The following USP34 variants were observed in gnomAD, a reference collection of about 807,000 sequenced individuals.
The protein encoded by USP34 is ubiquitin carboxyl-terminal hydrolase 34.
Under a neutral mutation model 460.3 loss-of-function variants are expected in USP34, and 70 were observed. The ratio of observed to expected loss-of-function variants is 0.15; its 90% CI spans 0.13 to 0.19. The LOEUF is 0.19. Ranked by LOEUF, USP34 falls within the 10% of genes least tolerant of loss-of-function variation. The pLI is 1.00. For missense variants in USP34, 3,985 were observed against 4,236.2 expected, an observed-to-expected ratio of 0.94 and a Z score of 1.65; for synonymous variants, 1,647 against 1,405.3, an observed-to-expected ratio of 1.17 and a Z score of -3.85.
chr2:61,383,523 T>C (rs1693040208), intron 5 of USP34, among the ~76,000 whole-genome samples, 187 bp from the exon 6 acceptor site: 1 of 151,916 alleles, frequency 6.6e-6, no homozygotes. Flanking sequence ...GCCAACACAG[T>C]AAAACCCCGT....
At chr2:61,329,087 G>T (rs771824586) in intron 20 of USP34, among the ~76,000 whole-genome samples, 1 of 152,096 alleles carries the variant, frequency 6.6e-6, no homozygotes, top group Non-Finnish European at 1.5e-5. Context: ...AGTGGTGCGA[G>T]CTCGGCTCAC....
In USP34 at chr2:61,257,354, CA is replaced by C. The variant is rs767588957; in HGVS notation, c.5845-5del. On this transcript the variant is annotated splice_polypyrimidine_tract_variant and splice_region_variant and intron_variant, in intron 44 of 79. Transcript: ENST00000398571. ...TATATGCTTTGCATTCACTCTCCTG[CA>C]AATAAAAAGGGGAACATTCTAAGTG... The C allele has an allele frequency of 3.2e-6, 5 of 1,559,590 alleles. No individual in the cohort carries two copies. The highest frequency in any genetic ancestry group is 2.7e-5 in the African/African-American group (2 of 72,792).
At chr2:61,273,095 A>G (rs139814231) in intron 41 of USP34, among the ~76,000 whole-genome samples, 3 of 152,342 alleles carry the variant, frequency 2.0e-5, no homozygotes, top group African/African-American at 7.2e-5. Flanking sequence ...AACATAAGCA[A>G]TGATTCCATA....
At chr2:61,266,318 C>A in intron 41 of USP34, 151 bp from the exon 42 acceptor site, 1 of 730,930 alleles carries the variant, frequency 1.4e-6, no homozygotes. Context: ...CCTCCGTGTT[C>A]ATTTCTCTTA....
At chr2:61,339,228 T>C in intron 18 of USP34, 123 bp downstream of exon 18, 1 of 964,286 alleles carries the variant, frequency 1.0e-6, no homozygotes, top group Non-Finnish European at 1.4e-6. Flanking sequence ...CTATAATTAC[T>C]AAAAAACAGA....
intron 27 of USP34, among the ~76,000 whole-genome samples, chr2:61,304,948 A>T (rs1290187843): frequency 6.6e-6 from 1 of 152,206 alleles, no homozygotes; most frequent in Admixed American, 6.5e-5. Context: ...ATGAAATCTC[A>T]AAAAACTCTT....
chr2:61,287,374 G>T (rs1376822710), intron 34 of USP34, among the ~76,000 whole-genome samples: 4 of 152,296 alleles, frequency 2.6e-5, no homozygotes, highest in African/African-American at 9.6e-5. Context: ...GGAGATGTTG[G>T]AAAGGCAAAT....
At chr2:61,421,805 G>T (rs999247544) in intron 1 of USP34, among the ~76,000 whole-genome samples, 1 of 151,958 alleles carries the variant, frequency 6.6e-6, no homozygotes, top group African/African-American at 2.4e-5. Flanking sequence ...ACACGCGCGC[G>T]CGCGCACCTT....
At chr2:61,445,996 C>T (rs910878274) in intron 1 of USP34, among the ~76,000 whole-genome samples, 1 of 151,250 alleles carries the variant, frequency 6.6e-6, no homozygotes, top group African/African-American at 2.4e-5. Context: ...ACCTGTAATC[C>T]CAGCCACTCA....
chr2:61,437,563 G>A (rs940321128), intron 1 of USP34, among the ~76,000 whole-genome samples: 1 of 151,946 alleles, frequency 6.6e-6, no homozygotes, highest in Non-Finnish European at 1.5e-5. Flanking sequence ...CACGAGGTCA[G>A]GAGTTCAAGA....
At chr2:61,398,990 A>G (rs1693628617) in intron 3 of USP34, among the ~76,000 whole-genome samples, 1 of 152,178 alleles carries the variant, frequency 6.6e-6, no homozygotes, top group South Asian at 2.1e-4. Flanking sequence ...TAAATACAGA[A>G]TCATGGACCA....
At position 61,192,942 on chromosome 2, in the gene USP34, C is replaced by T; in HGVS notation, c.9547G>A (p.Ala3183Thr). The T allele has an allele frequency of 1.9e-6, 3 of 1,613,824 alleles. No homozygotes were observed. The highest frequency in any genetic ancestry group is 2.5e-6 in the Non-Finnish European group (3 of 1,179,872). Residue 3183 changes from alanine to threonine, a missense_variant, in exon 76 of 80, where the codon GCA (alanine) becomes ACA (threonine). Physicochemically the swap from Ala to Thr is moderately conservative, Grantham distance 58. This residue lies in a region of USP34 where 506 missense variants were observed against 439.0 expected (regional missense o/e 1.15). Coordinates refer to ENST00000398571, the MANE Select transcript of USP34 (RefSeq NM_014709.4). The part of the protein sequence containing the change: ...VAYEGLPLHL[A>T]LFPKLWTELC... ...TCAGTCCAAAGTTTGGGGAACAGTG[C>T]AAGATGAAGTGGCAAACCTTCATAG...
At chr2:61,415,280 C>T (rs976010661) in intron 2 of USP34, among the ~76,000 whole-genome samples, 1 of 152,070 alleles carries the variant, frequency 6.6e-6, no homozygotes, top group African/African-American at 2.4e-5. Context: ...GATAAAAGAT[C>T]ACCTAATGAT....
chr2:61,344,722 C>G (rs923135046), intron 15 of USP34, among the ~76,000 whole-genome samples: 2 of 152,162 alleles, frequency 1.3e-5, no homozygotes, highest in African/African-American at 4.8e-5. Context: ...TTTTTAACTG[C>G]TTTGTCTTCA....
At chr2:61,454,680 G>C (rs1695380093) in intron 1 of USP34, among the ~76,000 whole-genome samples, 2 of 151,872 alleles carry the variant, frequency 1.3e-5, no homozygotes, top group South Asian at 2.1e-4. Flanking sequence ...CTCCCGAGTA[G>C]CCAAGATTAC....
At chr2:61,409,620 A>C (rs1693981202) in intron 2 of USP34, among the ~76,000 whole-genome samples, 1 of 152,168 alleles carries the variant, frequency 6.6e-6, no homozygotes, top group Admixed American at 6.6e-5. Context: ...AGGCAGAGAC[A>C]GGAGAATTGT....
intron 1 of USP34, 125 bp from the exon 2 acceptor site, chr2:61,420,958 G>T: frequency 8.1e-5 from 45 of 554,486 alleles, no homozygotes; most frequent in Admixed American, 1.6e-4. Flanking sequence ...TGCTTCCAAA[G>T]AAAATAAGTC....
intron 18 of USP34, 108 bp from the exon 19 acceptor site, chr2:61,334,079 CAT>C: frequency 1.5e-6 from 1 of 657,006 alleles, no homozygotes; most frequent in Admixed American, 3.9e-5. Context: ...TGCATAGAGA[CAT>C]ATTATTACAC....
In USP34 at chr2:61,246,442, C is replaced by G. The variant is rs781291814; in HGVS notation, c.6430G>C (p.Glu2144Gln). ...KEVSDHSKDSESYEYDLIGVT... is the reference protein window; with the variant it reads ...KEVSDHSKDSQSYEYDLIGVT... Reference sequence around the variant, plus strand: ...CCTATCAAGTCATATTCATAGCTCTCTGAGTCTTTTGAATGATCACTGACT... The same window carrying G: ...CCTATCAAGTCATATTCATAGCTCTGTGAGTCTTTTGAATGATCACTGACT... Residue 2144 changes from glutamate to glutamine, a missense_variant, in exon 50 of 80, where the codon GAG becomes CAG. Glu to Gln is a conservative substitution (Grantham distance 29, BLOSUM62 2). Around this residue, in one of 14 missense-constraint regions of USP34, gnomAD observed 70 missense variants for 78.1 expected, o/e 0.90. Coordinates refer to ENST00000398571, the MANE Select transcript of USP34 (RefSeq NM_014709.4). The G allele has an allele frequency of 6.3e-7, 1 of 1,596,612 alleles. No individual in the cohort carries two copies. Among genetic ancestry groups the G allele is most frequent in the Admixed American group, 1.7e-5 (1 of 57,798 alleles).
Sources: gnomAD v4.1 joint callset for allele counts (sites outside exome capture counted in the v4.1 genomes callset) on GRCh38, gnomAD v4.1.1 for gene constraint, gnomAD v4.1.1 regional missense constraint, MANE v1.5 for transcripts, NCBI Gene and HGNC (gene_info 2026-07-23, HGNC 2026-07-21) for gene names.